SCAF8: variants seen among roughly 807,000 people sequenced by gnomAD.
The protein encoded by SCAF8 is SR-related CTD associated factor 8.
SCAF8 carries 23 observed loss-of-function variants against 140.5 expected under a neutral mutation model. That is an observed-to-expected ratio of 0.16 (90% CI 0.12 to 0.23). SCAF8 has a LOEUF of 0.23. SCAF8 is among the 10% of genes least tolerant of loss of function. SCAF8 has a pLI of 1.00. For synonymous variants in SCAF8, 575 were observed against 528.9 expected (o/e 1.09, Z -1.20); for missense variants, 1,397 against 1,555.7 (o/e 0.90, Z 1.72).
At chr6:154,769,872 C>G (rs1322747715) in intron 1 of SCAF8, among the ~76,000 whole-genome samples, 4 of 152,084 alleles carry the variant, frequency 2.6e-5, no homozygotes, top group Admixed American at 2.6e-4. Context: ...AAAATACAGG[C>G]TTTCTGTTCT....
intron 6 of SCAF8, among the ~76,000 whole-genome samples, chr6:154,801,004 G>A (rs994645374): frequency 3.3e-5 from 5 of 151,438 alleles, no homozygotes; most frequent in Non-Finnish European, 7.4e-5. Flanking sequence ...CAGAGTAGAG[G>A]AAGAAAATTG....
At chr6:154,826,797 A>T (rs956944869) in intron 17 of SCAF8, among the ~76,000 whole-genome samples, 3 of 152,228 alleles carry the variant, frequency 2.0e-5, no homozygotes, top group Admixed American at 6.5e-5. Flanking sequence ...ATATAGTGTT[A>T]TCCAGAGTTA....
chr6:154,781,622 T>C (rs570098879), intron 3 of SCAF8, among the ~76,000 whole-genome samples: 1 of 152,350 alleles, frequency 6.6e-6, no homozygotes, highest in Admixed American at 6.5e-5. Flanking sequence ...AAGAGACATA[T>C]GGTTTCCTTA....
chr6:154,777,917 A>G lies in SCAF8; in HGVS notation c.115-84A>G. On this transcript the variant is annotated intron_variant, in intron 2 of 19. Transcript: ENST00000367178. The stretch of plus-strand genomic sequence containing the variant: ...GATAATTGTTTTGATAGACCTTTGG[A>G]GCATGTAAAACCTATGGTTAGCAGG... The G allele has an allele frequency of 3.8e-6, 3 of 792,868 alleles. No homozygotes were observed. In the South Asian group the frequency reaches 4.5e-5, roughly 12 times the overall value. 49.1% of individuals were successfully genotyped at this position (792,868 alleles called of 1,614,324 possible).
intron 12 of SCAF8, among the ~76,000 whole-genome samples, chr6:154,814,251 A>G (rs1778182865): frequency 6.6e-6 from 1 of 152,144 alleles, no homozygotes; most frequent in South Asian, 2.1e-4. Flanking sequence ...CCGGGAGGTG[A>G]AAGTTGCAGA....
At chr6:154,796,389 C>CTCTCTCTGTCTCTCTCTGTCTGTCTG (rs376622207) in intron 6 of SCAF8, among the ~76,000 whole-genome samples, 3 of 140,964 alleles carry the variant, frequency 2.1e-5, no homozygotes, top group African/African-American at 8.3e-5. Context: ...CTCTCTCTCT[C>CTCTCTCTGTCTCTCTCTGTCTGTCTG]TCTGTCTCTC....
intron 1 of SCAF8, among the ~76,000 whole-genome samples, chr6:154,763,762 C>T (rs1776471154): frequency 1.3e-5 from 2 of 151,954 alleles, no homozygotes; most frequent in African/African-American, 4.8e-5. Context: ...AAAAAAAACC[C>T]ACATCTGTAG....
intron 5 of SCAF8, among the ~76,000 whole-genome samples, chr6:154,794,195 G>A (rs549805545): frequency 3.9e-5 from 6 of 152,236 alleles, no homozygotes; most frequent in Admixed American, 3.3e-4. Context: ...CTCTGAAAGT[G>A]TTGGGATTAC....
chr6:154,768,449 A>G (rs769032744), intron 1 of SCAF8, among the ~76,000 whole-genome samples: 5 of 152,228 alleles, frequency 3.3e-5, no homozygotes, highest in Admixed American at 1.3e-4. Flanking sequence ...TTAACATCAC[A>G]TGGCATTTTA....
chr6:154,830,865 C>A, intron 18 of SCAF8, 57 bp from the exon 19 acceptor site: 1 of 1,341,088 alleles, frequency 7.5e-7, no homozygotes, highest in Non-Finnish European at 1.1e-6. Flanking sequence ...TGCCAGAAAA[C>A]TTAGCACATG....
intron 1 of SCAF8, among the ~76,000 whole-genome samples, chr6:154,769,274 A>G (rs116363283): frequency 6.6e-6 from 1 of 152,292 alleles, no homozygotes; most frequent in African/African-American, 2.4e-5. Context: ...AAAATGCTTT[A>G]GAAGTCTAAA....
Position 154,809,095 on chromosome 6 carries a change from CT to C in SCAF8, c.1226+298del, listed in dbSNP as rs370271201. Among the ~76,000 whole-genome samples, 66 of 152,196 alleles carry C rather than the reference CT, an allele frequency of 4.3e-4. 1 individual carries two copies. In the South Asian group the frequency reaches 0.013, roughly 30 times the overall value. ...CACCCAATTTAGAATATTGTTGCCC[CT>C]GAACAACAGTTAAGTCAGGCCATAT... is the stretch of plus-strand genomic sequence containing the variant. On this transcript the variant is annotated intron_variant, in intron 11 of 19. Transcript: ENST00000367178.
intron 1 of SCAF8, among the ~76,000 whole-genome samples, chr6:154,756,168 T>G (rs1562429178): frequency 2.6e-5 from 4 of 152,240 alleles, no homozygotes. Flanking sequence ...ACCACTTTTG[T>G]GTACAGTATT....
intron 15 of SCAF8, among the ~76,000 whole-genome samples, chr6:154,821,173 G>T (rs1330449547): frequency 6.6e-6 from 1 of 152,176 alleles, no homozygotes; most frequent in Non-Finnish European, 1.5e-5. Flanking sequence ...GAGACAAATA[G>T]ACAAAAATTC....
At chr6:154,802,939 T>G (rs1163256064) in intron 7 of SCAF8, among the ~76,000 whole-genome samples, 2 of 152,226 alleles carry the variant, frequency 1.3e-5, no homozygotes, top group Non-Finnish European at 2.9e-5. Context: ...TTAAAATCTT[T>G]CATGTACAAT....
At chr6:154,767,847 G>C (rs527485913) in intron 1 of SCAF8, among the ~76,000 whole-genome samples, 3 of 152,044 alleles carry the variant, frequency 2.0e-5, no homozygotes, top group Non-Finnish European at 4.4e-5. Context: ...CCTTCCCCTG[G>C]TATCTTGACA....
At chr6:154,772,550 G>T (rs994698605) in intron 1 of SCAF8, among the ~76,000 whole-genome samples, 3 of 152,098 alleles carry the variant, frequency 2.0e-5, no homozygotes, top group Admixed American at 1.3e-4. Context: ...ATTAGCCCAT[G>T]TGGTGGCGTG....
At chr6:154,767,596 G>A (rs1012094220) in intron 1 of SCAF8, among the ~76,000 whole-genome samples, 1 of 138,408 alleles carries the variant, frequency 7.2e-6, no homozygotes, top group Non-Finnish European at 1.5e-5. Context: ...CTGGAGTGCA[G>A]TGGCACAGTC....
intron 11 of SCAF8, 22 bp downstream of exon 11, chr6:154,808,820 A>G (rs1374434448): frequency 1.4e-6 from 2 of 1,477,340 alleles, no homozygotes; most frequent in African/African-American, 1.4e-5. Context: ...ATATTTAATA[A>G]TAGCCGTGTG....
Sources: gnomAD v4.1 joint callset for allele counts (sites outside exome capture counted in the v4.1 genomes callset) on GRCh38, gnomAD v4.1.1 for gene constraint, MANE v1.5 for transcripts, NCBI Gene and HGNC (gene_info 2026-07-23, HGNC 2026-07-21) for gene names.